Variants in TTC6 observed in about 807,000 individuals in gnomAD.
TTC6 encodes the protein tetratricopeptide repeat domain 6.
In TTC6, 172 loss-of-function variants were observed where a neutral mutation model predicts 210.4. That is an observed-to-expected ratio of 0.82 (90% confidence interval 0.72 to 0.93). The LOEUF (loss-of-function observed/expected upper bound fraction) is 0.93, where lower values mean the gene tolerates loss of function less well. TTC6 is among the 40% of genes least tolerant of loss of function. The probability of loss-of-function intolerance (pLI) is 0.00; values close to 1 mark genes in which losing one functional copy is unlikely to be tolerated. For synonymous variants in TTC6, 804 were observed against 819.6 expected, an observed-to-expected ratio of 0.98 and a Z score of 0.32; for missense variants, 2,414 against 2,318.1, an observed-to-expected ratio of 1.04 and a Z score of -0.85.
rs578235849 is a variant in TTC6, at chr14:37,714,827, G to A, written c.1713+31G>A. The stretch of plus-strand genomic sequence containing the variant: ...AACTTTCTTTAATATTAGTTTTTTT[G>A]TACCTCACAGGTCCTCAAACTTTTT... On this transcript the variant is annotated intron_variant, in intron 6 of 30. Transcript: ENST00000553443. 105 of 1,526,146 alleles carry A rather than the reference G, an allele frequency of 6.9e-5. 3 individuals are homozygous for A. In the South Asian group the frequency reaches 7.5e-4, roughly 11 times the overall value. 94.5% of individuals were successfully genotyped at this position (1,526,146 alleles called of 1,614,324 possible). A position where few individuals can be genotyped will look rare whatever the true frequency, so the allele number is the denominator to read the frequency against.
At chr14:37,784,861 T>G (rs989825555) in intron 14 of TTC6, among the ~76,000 whole-genome samples, 6 of 152,198 alleles carry the variant, frequency 3.9e-5, no homozygotes, top group African/African-American at 9.6e-5. Context: ...TAAAGGATTT[T>G]ATTTCTCCTT....
intron 14 of TTC6, among the ~76,000 whole-genome samples, chr14:37,766,913 C>T (rs550116879): frequency 1.3e-5 from 2 of 152,150 alleles, no homozygotes; most frequent in South Asian, 4.1e-4. Context: ...AACTCGTCAT[C>T]TAGCATTAGG....
chr14:37,687,056 A>G lies in TTC6; in HGVS notation c.1257+4092A>G, dbSNP rs138029351. Among the ~76,000 whole-genome samples the G allele has an allele frequency of 6.9e-3, 1,049 of 152,250 alleles. 12 individuals carry two copies. The highest frequency in any genetic ancestry group is 0.024 in the African/African-American group (992 of 41,552). ...GGACACAGAACCTGACTGTAACTTCATATCATTGAAAGAGACATTGAAGAC... is the reference window on the plus strand; with the variant it reads ...GGACACAGAACCTGACTGTAACTTCGTATCATTGAAAGAGACATTGAAGAC... On this transcript the variant is annotated intron_variant, in intron 3 of 30. Coordinates refer to ENST00000553443, the Ensembl canonical transcript of TTC6.
At chr14:37,688,468 T>C (rs2138596908) in intron 3 of TTC6, among the ~76,000 whole-genome samples, 1 of 152,174 alleles carries the variant, frequency 6.6e-6, no homozygotes, top group African/African-American at 2.4e-5. Context: ...GGAGTGGTTA[T>C]AGCAGGCCTT....
chr14:37,622,447 T>C, exon 1 of TTC6: 1 of 1,535,078 alleles, frequency 6.5e-7, no homozygotes, highest in Non-Finnish European at 8.7e-7. Flanking sequence ...TCCGCGTTCC[T>C]ACGGCACCAG....
At chr14:37,655,906 A>G (rs915713220) in intron 1 of TTC6, among the ~76,000 whole-genome samples, 2 of 151,782 alleles carry the variant, frequency 1.3e-5, no homozygotes, top group Non-Finnish European at 2.9e-5. Context: ...AAGTTGGAAT[A>G]ATAGCAACTA....
At chr14:37,621,855 T>G (rs1023369225), upstream of TTC6, among the ~76,000 whole-genome samples, 2 of 152,076 alleles carry the variant, frequency 1.3e-5, no homozygotes, top group African/African-American at 4.8e-5. Flanking sequence ...TTTAGAGGTT[T>G]TTCATGGTTC....
chr14:37,728,508 G>A (rs1386044199), intron 7 of TTC6, among the ~76,000 whole-genome samples: 1 of 151,848 alleles, frequency 6.6e-6, no homozygotes, highest in Non-Finnish European at 1.5e-5. Context: ...TATGAGTTTT[G>A]TCTCTTACTG....
chr14:37,622,775 C>G (rs1285608849), exon 1 of TTC6: 4 of 1,534,718 alleles, frequency 2.6e-6, no homozygotes, highest in African/African-American at 1.4e-5. Context: ...GCGGGGCCCG[C>G]GAGGCGCGGG....
At chr14:37,805,855 C>T (rs769716215) in intron 21 of TTC6, among the ~76,000 whole-genome samples, 8 of 152,076 alleles carry the variant, frequency 5.3e-5, no homozygotes, top group South Asian at 4.2e-4. Context: ...CTCACGCCAC[C>T]GCACCTGGCT....
intron 2 of TTC6, among the ~76,000 whole-genome samples, chr14:37,681,311 A>G (rs570572411): frequency 1.1e-4 from 17 of 152,274 alleles, no homozygotes; most frequent in Admixed American, 3.3e-4. Context: ...CCAAATAGAA[A>G]TCTTCATTAA....
rs2095608117 is a variant in TTC6 at position 37,598,151 on chromosome 14, C to A, written c.-235+2143C>A. 6.6e-6 allele frequency among the ~76,000 whole-genome samples: 1 copy of A among 152,214 alleles called. No homozygotes were observed. On this transcript the variant is annotated intron_variant, in intron 1 of 2. Transcript: ENST00000556845. This position sits in a 1 kb window ranked among gnomAD's most constrained non-coding sequence, Gnocchi z 4.9. ...CCAACCTCTTTTCCCAAATAGGCAC[C>A]TACACCATTGGAAACTGTGCTTTGC...
Position 37,598,701 on chromosome 14 carries a change from G to A in TTC6, c.-235+2693G>A, listed in dbSNP as rs1470814641. The stretch of plus-strand genomic sequence containing the variant: ...CGGGCCCAGACGGCGGCCTCTCGCG[G>A]CGACAGGGTCCTTCCTATTTAGCAG... On this transcript the variant is annotated intron_variant, in intron 1 of 2. Transcript: ENST00000556845. The surrounding 1 kb of genome is among the most constrained non-coding windows in gnomAD (Gnocchi z 4.9). Among the ~76,000 whole-genome samples the A allele has an allele frequency of 2.0e-5, 3 of 152,178 alleles. No homozygotes were observed. Among genetic ancestry groups the A allele is most frequent in the East Asian group, 1.9e-4 (1 of 5,148 alleles).
chr14:37,744,313 A>G (rs2138985007), intron 10 of TTC6, among the ~76,000 whole-genome samples: 1 of 152,332 alleles, frequency 6.6e-6, no homozygotes, highest in Non-Finnish European at 1.5e-5. Flanking sequence ...GAGAGTGGAG[A>G]GGTAAACAAA....
At chr14:37,624,218 C>T (rs2095656314) in intron 1 of TTC6, among the ~76,000 whole-genome samples, 2 of 152,198 alleles carry the variant, frequency 1.3e-5, no homozygotes, top group Non-Finnish European at 2.9e-5. Context: ...AGTTGAGACT[C>T]ACACCTCCCC....
intron 1 of TTC6, among the ~76,000 whole-genome samples, chr14:37,626,597 A>G (rs575991129): frequency 3.9e-5 from 6 of 152,358 alleles, no homozygotes; most frequent in Non-Finnish European, 7.3e-5. Context: ...CAAAACGTGA[A>G]TAGCAGAAGA....
At chr14:37,745,746 C>A (rs944099974) in intron 10 of TTC6, among the ~76,000 whole-genome samples, 4 of 152,148 alleles carry the variant, frequency 2.6e-5, no homozygotes, top group African/African-American at 9.6e-5. Flanking sequence ...ATGTAATTAC[C>A]CCTGGAAGGT....
chr14:37,769,113 T>C (rs1033090207), intron 14 of TTC6, among the ~76,000 whole-genome samples: 38 of 151,250 alleles, frequency 2.5e-4, no homozygotes, highest in Admixed American at 1.3e-3. Flanking sequence ...TTTATTGATT[T>C]GCGTATATTG....
chr14:37,782,143 GT>G (rs568110240), intron 14 of TTC6, among the ~76,000 whole-genome samples: 1 of 151,992 alleles, frequency 6.6e-6, no homozygotes. Context: ...CTTTAAAGTA[GT>G]TTTTTTTAGT....
Sources: gnomAD v4.1 joint callset for allele counts (sites outside exome capture counted in the v4.1 genomes callset) on GRCh38, gnomAD v4.1.1 for gene constraint, Gnocchi (gnomAD v3.1) non-coding constraint, MANE v1.5 for transcripts, NCBI Gene and HGNC (gene_info 2026-07-23, HGNC 2026-07-21) for gene names.